RNLS: variants seen among roughly 807,000 people sequenced by gnomAD.
RNLS encodes the protein renalase.
Under a neutral mutation model 39.8 loss-of-function variants are expected in RNLS, and 39 were observed. The observed-to-expected ratio is 0.98, with a 90% CI of 0.76 to 1.28. RNLS has a LOEUF of 1.28. RNLS is among the 50% of genes most tolerant of loss of function. RNLS has a pLI of 0.00. For missense variants in RNLS, 410 were observed against 413.3 expected, an observed-to-expected ratio of 0.99 and a Z score of 0.07; for synonymous variants, 147 against 150.7, an observed-to-expected ratio of 0.98 and a Z score of 0.18.
chr10:88,210,558 C>G, the RNLS span, among the ~76,000 whole-genome samples: 565 of 152,262 alleles, frequency 3.7e-3, 13 homozygotes, highest in East Asian at 0.035. Flanking sequence ...GCATTTTGTC[C>G]CTCCTCTGCC....
chr10:88,504,324 T>C (rs1479340565), intron 4 of RNLS, among the ~76,000 whole-genome samples: 1 of 152,046 alleles, frequency 6.6e-6, no homozygotes, highest in African/African-American at 2.4e-5. Flanking sequence ...GATACTAGGG[T>C]GATTCCCAGG....
intron 5 of RNLS, among the ~76,000 whole-genome samples, chr10:88,338,416 G>A (rs546806866): frequency 3.3e-5 from 5 of 152,316 alleles, no homozygotes; most frequent in African/African-American, 4.8e-5. Context: ...CTATCTAACG[G>A]TTCTTGACAT....
chr10:88,271,275 G>C (rs1245545398), downstream of RNLS, among the ~76,000 whole-genome samples: 1 of 152,178 alleles, frequency 6.6e-6, no homozygotes, highest in Non-Finnish European at 1.5e-5. Flanking sequence ...ATTTCTGGGG[G>C]TTTACCAGTG....
intron 6 of RNLS, among the ~76,000 whole-genome samples, chr10:88,291,120 A>C (rs574476113): frequency 1.2e-4 from 18 of 152,174 alleles, no homozygotes; most frequent in Non-Finnish European, 2.4e-4. Context: ...AAATATGGCA[A>C]GTACTAAGTA....
chr10:88,261,124 A>C, the RNLS span, among the ~76,000 whole-genome samples: 2 of 152,236 alleles, frequency 1.3e-5, no homozygotes, highest in African/African-American at 4.8e-5. Flanking sequence ...TAATAATTAA[A>C]ATGGTCAGTA....
intron 5 of RNLS, among the ~76,000 whole-genome samples, chr10:88,356,690 A>C (rs1447015373): frequency 6.6e-6 from 1 of 152,182 alleles, no homozygotes; most frequent in East Asian, 1.9e-4. Context: ...AAGTTTGTTC[A>C]TTTGCTTTTC....
intron 4 of RNLS, among the ~76,000 whole-genome samples, chr10:88,406,637 A>G (rs1161874835): frequency 6.6e-6 from 1 of 152,070 alleles, no homozygotes; most frequent in East Asian, 1.9e-4. Flanking sequence ...GCTATGGAAA[A>G]CAGTGTGGAG....
intron 6 of RNLS, among the ~76,000 whole-genome samples, chr10:88,310,135 C>T (rs1008694518): frequency 7.2e-5 from 11 of 152,172 alleles, no homozygotes; most frequent in Admixed American, 2.0e-4. Context: ...TTGCTTGAGC[C>T]GGGGAAGTCG....
Position 88,509,450 on chromosome 10 carries a change from G to A in RNLS, c.526+63453C>T, listed in dbSNP as rs577487462. Reference sequence around the variant, plus strand: ...GAAGAAAGGAAATAAGAGAGAGAGAGAAAAAAAAGGAGAGAAGAGGAGAGG... The same window carrying A: ...GAAGAAAGGAAATAAGAGAGAGAGAAAAAAAAAAGGAGAGAAGAGGAGAGG... On this transcript the variant is annotated intron_variant, in intron 4 of 6. Transcript: ENST00000331772. Among the ~76,000 whole-genome samples, 443 of 72,132 alleles carry A rather than the reference G, an allele frequency of 6.1e-3. 1 individual carries two copies. In the Middle Eastern group the frequency reaches 0.086, roughly 14 times the overall value. 47.3% of individuals were successfully genotyped at this position (72,132 alleles called of 152,430 possible).
downstream of RNLS, among the ~76,000 whole-genome samples, chr10:88,270,991 C>A (rs1842634904): frequency 6.6e-6 from 1 of 152,086 alleles, no homozygotes; most frequent in Non-Finnish European, 1.5e-5. Flanking sequence ...TCTTGGCGGG[C>A]TGGTGGCCTG....
At chr10:88,575,137 TATATATATATATATATATATATACACAC>T (rs1295195570) in intron 3 of RNLS, among the ~76,000 whole-genome samples, 1 of 31,324 alleles carries the variant, frequency 3.2e-5, no homozygotes, top group Non-Finnish European at 4.8e-5. Context: ...TATATATATA[TATATATATATATATATATATATACACAC>T]ACACACACAC....
intron 4 of RNLS, among the ~76,000 whole-genome samples, chr10:88,501,227 A>T (rs911569533): frequency 6.6e-6 from 1 of 152,264 alleles, no homozygotes; most frequent in Admixed American, 6.5e-5. Context: ...GGATATATAC[A>T]TGATCAATAA....
the RNLS span, among the ~76,000 whole-genome samples, chr10:88,244,691 CTT>C: frequency 4.0e-5 from 5 of 126,430 alleles, no homozygotes; most frequent in African/African-American, 1.4e-4. Flanking sequence ...GGTTTTCATG[CTT>C]TTTTTTTTTT....
At chr10:88,572,880 G>C in intron 4 of RNLS, 23 bp downstream of exon 4, 1 of 1,609,762 alleles carries the variant, frequency 6.2e-7, no homozygotes, top group Non-Finnish European at 8.5e-7. Flanking sequence ...CCTGAGGCAG[G>C]TAAATGGCAA....
intron 4 of RNLS, among the ~76,000 whole-genome samples, chr10:88,447,238 T>G (rs929958823): frequency 6.6e-6 from 1 of 152,200 alleles, no homozygotes; most frequent in East Asian, 1.9e-4. Context: ...TGTTTGCAGA[T>G]GTCATGATTG....
downstream of RNLS, among the ~76,000 whole-genome samples, chr10:88,282,519 A>G (rs1158496151): frequency 8.9e-6 from 1 of 112,640 alleles, no homozygotes; most frequent in African/African-American, 3.3e-5. Flanking sequence ...ACACACACAC[A>G]CACACACGCT....
chr10:88,567,446 A>G (rs1234754385), intron 4 of RNLS, among the ~76,000 whole-genome samples: 1 of 152,234 alleles, frequency 6.6e-6, no homozygotes, highest in East Asian at 1.9e-4. Context: ...GTTTTTAAAT[A>G]TTGGAGTATG....
the RNLS span, among the ~76,000 whole-genome samples, chr10:88,189,830 T>C: frequency 1.9e-3 from 282 of 152,342 alleles, no homozygotes; most frequent in African/African-American, 6.6e-3. Context: ...GTTTATGACA[T>C]CTGTGTTGTT....
intron 5 of RNLS, among the ~76,000 whole-genome samples, chr10:88,355,711 C>G (rs1010318166): frequency 2.0e-5 from 3 of 152,132 alleles, no homozygotes; most frequent in African/African-American, 7.2e-5. Flanking sequence ...AAACTCCATT[C>G]TGGGAGAACC....
Sources: allele counts gnomAD v4.1 joint callset (sites outside exome capture counted in the v4.1 genomes callset), GRCh38; gene constraint gnomAD v4.1.1; transcripts MANE v1.5; gene names NCBI Gene and HGNC (gene_info 2026-07-23, HGNC 2026-07-21).